The following PRLR variants were observed in gnomAD, a reference collection of about 807,000 sequenced individuals.
PRLR encodes the protein prolactin receptor.
A neutral mutation model predicts 40.2 loss-of-function variants in PRLR; 13 were observed. The ratio of observed to expected loss-of-function variants is 0.32; its 90% CI spans 0.21 to 0.51. The LOEUF (loss-of-function observed/expected upper bound fraction) is 0.51, where lower values mean the gene tolerates loss of function less well. Among genes scored for constraint, PRLR ranks in the 20% least tolerant of loss-of-function variants. The pLI is 0.97. For missense variants in PRLR, 656 were observed against 747.3 expected, an observed-to-expected ratio of 0.88 and a Z score of 1.42; for synonymous variants, 269 against 278.7, an observed-to-expected ratio of 0.97 and a Z score of 0.35.
intron 1 of PRLR, among the ~76,000 whole-genome samples, chr5:35,118,559 C>T (rs1037540460): frequency 2.0e-5 from 3 of 152,112 alleles, no homozygotes; most frequent in South Asian, 2.1e-4. Context: ...AAATTAACAT[C>T]GACACAGTAT....
intron 1 of PRLR, among the ~76,000 whole-genome samples, chr5:35,128,061 A>G (rs1773529286): frequency 6.6e-6 from 1 of 152,068 alleles, no homozygotes; most frequent in African/African-American, 2.4e-5. Context: ...GATAAACTAT[A>G]CGCTGAAAAT....
At chr5:35,169,615 T>C (rs1295572273) in intron 1 of PRLR, among the ~76,000 whole-genome samples, 1 of 152,240 alleles carries the variant, frequency 6.6e-6, no homozygotes, top group Non-Finnish European at 1.5e-5. Context: ...TGGGAGTCTG[T>C]GTAGTCATTA....
chr5:35,123,436 A>G (rs1467237139), intron 1 of PRLR, among the ~76,000 whole-genome samples: 4 of 152,240 alleles, frequency 2.6e-5, no homozygotes, highest in East Asian at 1.9e-4. Flanking sequence ...GTATAATGTC[A>G]TCATTGAAAA....
intron 1 of PRLR, among the ~76,000 whole-genome samples, chr5:35,157,689 C>T (rs766941531): frequency 1.2e-4 from 19 of 152,072 alleles, no homozygotes; most frequent in Non-Finnish European, 5.9e-5. Flanking sequence ...CTCATCCCCT[C>T]GAAGTCAGTG....
intron 2 of PRLR, among the ~76,000 whole-genome samples, chr5:35,100,952 T>A (rs1211324902): frequency 6.6e-6 from 1 of 152,194 alleles, no homozygotes; most frequent in Non-Finnish European, 1.5e-5. Context: ...GCTAAGAGGC[T>A]GGGTGTTATA....
chr5:35,099,209 GT>G (rs1031124986), intron 2 of PRLR, among the ~76,000 whole-genome samples: 74 of 152,316 alleles, frequency 4.9e-4, no homozygotes, highest in African/African-American at 1.7e-3. Context: ...GCCTCTGAAA[GT>G]GGGTAGAAAT....
chr5:35,078,989 C>T (rs1348740019), intron 5 of PRLR, among the ~76,000 whole-genome samples: 1 of 152,100 alleles, frequency 6.6e-6, no homozygotes, highest in Non-Finnish European at 1.5e-5. Context: ...GCAGAAAAGG[C>T]CTTTGACAAA....
chr5:35,194,844 C>T (rs1775693519), intron 1 of PRLR, among the ~76,000 whole-genome samples: 1 of 152,162 alleles, frequency 6.6e-6, no homozygotes, highest in African/African-American at 2.4e-5. Context: ...GGTCATTATA[C>T]ATTTGTTAAA....
chr5:35,155,183 A>G (rs1209068982), intron 1 of PRLR, among the ~76,000 whole-genome samples: 1 of 152,198 alleles, frequency 6.6e-6, no homozygotes, highest in Non-Finnish European at 1.5e-5. Flanking sequence ...AATCATATGA[A>G]TAAATATACA....
At chr5:35,226,120 C>T (rs1483974986) in intron 1 of PRLR, among the ~76,000 whole-genome samples, 1 of 152,230 alleles carries the variant, frequency 6.6e-6, no homozygotes, top group Non-Finnish European at 1.5e-5. Context: ...CTGTATTGGA[C>T]AGTTCAGTTG....
Position 35,072,569 on chromosome 5 carries a change from A to G in PRLR, c.543+6T>C. On this transcript the variant is annotated splice_donor_region_variant and intron_variant, in intron 6 of 9. Coordinates refer to ENST00000618457, the MANE Select transcript of PRLR (RefSeq NM_000949.7). ...AGTTCCTTCAAAAAGCATATGGATC[A>G]CTCACCTCCCACTCAGCTGCTTTCT... The G allele has an allele frequency of 1.2e-6, 2 of 1,612,840 alleles. No homozygotes were observed. Among genetic ancestry groups the G allele is most frequent in the Non-Finnish European group, 1.7e-6 (2 of 1,179,422 alleles).
intron 1 of PRLR, among the ~76,000 whole-genome samples, chr5:35,227,300 C>A (rs575089690): frequency 1.3e-5 from 2 of 152,292 alleles, no homozygotes; most frequent in South Asian, 4.1e-4. Context: ...TATTGGGGAG[C>A]TTGGGAGCAC....
Position 35,056,652 on chromosome 5 carries a change from C to G in PRLR, c.*8437G>C, listed in dbSNP as rs1365457981. 6.6e-6 allele frequency: 1 copy of G among 152,130 alleles called. No homozygotes were observed. Among genetic ancestry groups the G allele is most frequent in the African/African-American group, 2.4e-5 (1 of 41,436 alleles). 9.4% of individuals were successfully genotyped at this position (152,130 alleles called of 1,614,324 possible). A position where few individuals can be genotyped will look rare whatever the true frequency, so the allele number is the denominator to read the frequency against. On this transcript the variant is annotated 3_prime_UTR_variant, in exon 10 of 10. Transcript: ENST00000618457. The stretch of plus-strand genomic sequence containing the variant: ...ATATTCAATGCTTTTGAAAAATTAG[C>G]TACATATTACTTCTCCAGCTCATCA...
chr5:35,114,300 G>A (rs1419821815), intron 2 of PRLR, among the ~76,000 whole-genome samples: 3 of 152,196 alleles, frequency 2.0e-5, no homozygotes, highest in Non-Finnish European at 4.4e-5. Flanking sequence ...CTGAGCATGA[G>A]TATCTTTTAA....
chr5:35,174,686 C>A (rs1020406806), intron 1 of PRLR, among the ~76,000 whole-genome samples: 3 of 152,194 alleles, frequency 2.0e-5, no homozygotes, highest in Non-Finnish European at 4.4e-5. Context: ...ACTTGGGCTC[C>A]TTGCCTCCTG....
chr5:35,126,382 A>G (rs1179200948), intron 1 of PRLR, among the ~76,000 whole-genome samples: 1 of 152,192 alleles, frequency 6.6e-6, no homozygotes, highest in Non-Finnish European at 1.5e-5. Flanking sequence ...ATTTGTCCCA[A>G]TTGCTTCATC....
At chr5:35,187,250 A>T (rs1355604191) in intron 1 of PRLR, among the ~76,000 whole-genome samples, 2 of 151,952 alleles carry the variant, frequency 1.3e-5, no homozygotes, top group Admixed American at 1.3e-4. Context: ...AAAATACAAA[A>T]ATTAACCAGG....
chr5:35,120,005 T>C (rs1476642358), intron 1 of PRLR, among the ~76,000 whole-genome samples: 1 of 152,008 alleles, frequency 6.6e-6, no homozygotes, highest in Non-Finnish European at 1.5e-5. Flanking sequence ...AATGCTTGGC[T>C]TACCACTTAG....
chr5:35,104,006 G>A (rs1195570134), intron 2 of PRLR, among the ~76,000 whole-genome samples: 2 of 152,118 alleles, frequency 1.3e-5, no homozygotes, highest in African/African-American at 4.8e-5. Flanking sequence ...GCCCAAGTAA[G>A]GCTAGTGGGT....
Sources: allele counts gnomAD v4.1 joint callset (sites outside exome capture counted in the v4.1 genomes callset), GRCh38; gene constraint gnomAD v4.1.1; transcripts MANE v1.5; gene names NCBI Gene and HGNC (gene_info 2026-07-23, HGNC 2026-07-21).